Variants in ZMIZ1 observed in about 807,000 individuals in gnomAD.
ZMIZ1 encodes the protein zinc finger MIZ domain-containing protein 1.
A neutral mutation model predicts 113.9 loss-of-function variants in ZMIZ1; 17 were observed. The ratio of observed to expected loss-of-function variants is 0.15; its 90% CI spans 0.10 to 0.22. The LOEUF (loss-of-function observed/expected upper bound fraction) is 0.22, where lower values mean the gene tolerates loss of function less well. Among genes scored for constraint, ZMIZ1 ranks in the 10% least tolerant of loss-of-function variants. The pLI, the probability that ZMIZ1 is intolerant of heterozygous loss-of-function variation, is 1.00. For synonymous variants in ZMIZ1, 607 were observed against 603.1 expected, an observed-to-expected ratio of 1.01 and a Z score of -0.09; for missense variants, 1,059 against 1,477.8, an observed-to-expected ratio of 0.72 and a Z score of 4.65.
At chr10:79,099,210 T>C (rs1460784655) in intron 1 of ZMIZ1, among the ~76,000 whole-genome samples, 1 of 152,080 alleles carries the variant, frequency 6.6e-6, no homozygotes, top group Non-Finnish European at 1.5e-5. Context: ...GATGCAGCTA[T>C]CACTGTGGTG....
intron 1 of ZMIZ1, among the ~76,000 whole-genome samples, chr10:79,075,567 A>ATGAACACACATGCACACC (rs1842440581): frequency 2.0e-5 from 1 of 49,372 alleles, no homozygotes; most frequent in South Asian, 6.1e-4. Context: ...CTGCACACAC[A>ATGAACACACATGCACACC]TGCACACACA....
chr10:79,075,561 ACACACATGCACACACATG>A (rs916786394), intron 1 of ZMIZ1, among the ~76,000 whole-genome samples: 3 of 72,930 alleles, frequency 4.1e-5, no homozygotes, highest in African/African-American at 1.8e-4. Flanking sequence ...ACACAGCTGC[ACACACATGCACACACATG>A]CACACATGCA....
At chr10:79,151,738 G>A (rs1377085969) in intron 3 of ZMIZ1, among the ~76,000 whole-genome samples, 1 of 152,214 alleles carries the variant, frequency 6.6e-6, no homozygotes, top group Non-Finnish European at 1.5e-5. Flanking sequence ...ACTCAGGCCC[G>A]GGTGGGCCCC....
chr10:79,128,153 T>G (rs1346607002), intron 2 of ZMIZ1, among the ~76,000 whole-genome samples: 1 of 152,106 alleles, frequency 6.6e-6, no homozygotes, highest in Non-Finnish European at 1.5e-5. Context: ...TCCCTCCCCC[T>G]TTTCTCCCTG....
chr10:79,174,246 G>T (rs1846724245), intron 4 of ZMIZ1, among the ~76,000 whole-genome samples: 1 of 152,220 alleles, frequency 6.6e-6, no homozygotes, highest in Admixed American at 6.5e-5. Flanking sequence ...CTCAGCCAGG[G>T]TGGGGTCAGC....
chr10:79,212,357 G>C (rs1180882846), intron 6 of ZMIZ1, among the ~76,000 whole-genome samples: 1 of 151,872 alleles, frequency 6.6e-6, no homozygotes, highest in Non-Finnish European at 1.5e-5. Flanking sequence ...TTTTCTTAAA[G>C]GTGGGGCCTT....
intron 9 of ZMIZ1, 200 bp from the exon 10 acceptor site, chr10:79,290,759 C>A: frequency 1.4e-6 from 1 of 715,504 alleles, no homozygotes; most frequent in Non-Finnish European, 2.5e-6. Context: ...ACGTTCTCAT[C>A]CCCCACGCCA....
chr10:79,126,825 G>A (rs1200057263), intron 2 of ZMIZ1, among the ~76,000 whole-genome samples: 1 of 152,166 alleles, frequency 6.6e-6, no homozygotes, highest in African/African-American at 2.4e-5. Context: ...AGCTGATGCT[G>A]GGGATATGAG....
At chr10:79,123,792 A>G (rs898617104) in intron 2 of ZMIZ1, among the ~76,000 whole-genome samples, 2 of 152,336 alleles carry the variant, frequency 1.3e-5, no homozygotes, top group South Asian at 2.1e-4. Context: ...TTCCAGGGTT[A>G]CATAGGCGGT....
intron 2 of ZMIZ1, among the ~76,000 whole-genome samples, chr10:79,126,303 T>C (rs1456311572): frequency 6.6e-6 from 1 of 152,136 alleles, no homozygotes; most frequent in Non-Finnish European, 1.5e-5. Context: ...GGGCTGCCCT[T>C]CCCCTCATCA....
chr10:79,247,640 C>G (rs1850290050), intron 7 of ZMIZ1, among the ~76,000 whole-genome samples: 2 of 152,222 alleles, frequency 1.3e-5, no homozygotes, highest in Non-Finnish European at 2.9e-5. Flanking sequence ...TAGGGTGAGG[C>G]CAGGCCTTAG....
intron 7 of ZMIZ1, among the ~76,000 whole-genome samples, chr10:79,257,748 G>A (rs951024415): frequency 6.6e-6 from 1 of 152,202 alleles, no homozygotes; most frequent in Non-Finnish European, 1.5e-5. Context: ...GAAAGACGGG[G>A]TTCCAAGCCA....
chr10:79,304,950 A>G (rs1854578619), intron 19 of ZMIZ1, among the ~76,000 whole-genome samples: 2 of 152,108 alleles, frequency 1.3e-5, no homozygotes, highest in African/African-American at 2.4e-5. Flanking sequence ...CATTTGGGGC[A>G]TGGGAGGTGG....
intron 8 of ZMIZ1, among the ~76,000 whole-genome samples, chr10:79,284,193 G>A (rs543143278): frequency 7.2e-5 from 11 of 152,250 alleles, no homozygotes; most frequent in African/African-American, 2.2e-4. Flanking sequence ...GCAAAACCTC[G>A]ATCATTGCCC....
chr10:79,193,218 A>G (rs912208993), intron 4 of ZMIZ1, among the ~76,000 whole-genome samples: 6 of 152,188 alleles, frequency 3.9e-5, no homozygotes, highest in Admixed American at 3.3e-4. Flanking sequence ...CGTTCATACT[A>G]TGTTTAAAAC....
chr10:79,311,885 T>C (rs1467599637), intron 24 of ZMIZ1, among the ~76,000 whole-genome samples: 1 of 152,064 alleles, frequency 6.6e-6, no homozygotes, highest in African/African-American at 2.4e-5. Context: ...GGTGCCAGAC[T>C]CCGGGAGGAG....
chr10:79,302,379 C>T (rs1564601023), intron 18 of ZMIZ1, among the ~76,000 whole-genome samples, 167 bp downstream of exon 18: 1 of 152,216 alleles, frequency 6.6e-6, no homozygotes, highest in Admixed American at 6.5e-5. Flanking sequence ...ATGCCCTCCT[C>T]CTGGGGCTGT....
chr10:79,197,543 A>G (rs758132440), intron 4 of ZMIZ1, among the ~76,000 whole-genome samples: 38 of 151,608 alleles, frequency 2.5e-4, no homozygotes, highest in Non-Finnish European at 4.9e-4. Flanking sequence ...TGGGTGACCT[A>G]CAGAAGTAGC....
intron 4 of ZMIZ1, among the ~76,000 whole-genome samples, chr10:79,185,181 A>C (rs538780020): frequency 1.3e-5 from 2 of 152,182 alleles, no homozygotes; most frequent in Non-Finnish European, 2.9e-5. Context: ...CTCTGTTGCC[A>C]GGGAAACCGG....
Sources: gnomAD v4.1 joint callset for allele counts (sites outside exome capture counted in the v4.1 genomes callset) on GRCh38, gnomAD v4.1.1 for gene constraint, MANE v1.5 for transcripts, NCBI Gene and HGNC (gene_info 2026-07-23, HGNC 2026-07-21) for gene names.